Variants in FAT3 observed in about 807,000 individuals in gnomAD.
FAT3 encodes protocadherin Fat 3.
Under a neutral mutation model 310.2 loss-of-function variants are expected in FAT3, and 95 were observed. That is an observed-to-expected ratio of 0.31 (90% CI 0.26 to 0.36). The LOEUF is 0.36. Ranked by LOEUF, FAT3 falls within the 10% of genes least tolerant of loss-of-function variation. The pLI is 1.00. For synonymous variants in FAT3, 2,314 were observed against 2,192.9 expected, an observed-to-expected ratio of 1.06 and a Z score of -1.54; for missense variants, 5,408 against 5,715.6, an observed-to-expected ratio of 0.95 and a Z score of 1.74.
At chr11:92,235,007 G>C (rs1490185649) in intron 1 of FAT3, among the ~76,000 whole-genome samples, 1 of 151,636 alleles carries the variant, frequency 6.6e-6, no homozygotes, top group Non-Finnish European at 1.5e-5. Context: ...GGAGGCAGAG[G>C]TTGCAGTGAG....
At chr11:92,567,211 A>G (rs1207008908) in intron 3 of FAT3, among the ~76,000 whole-genome samples, 1 of 115,418 alleles carries the variant, frequency 8.7e-6, no homozygotes, top group Non-Finnish European at 1.8e-5. Flanking sequence ...AAACCCCATC[A>G]AAAAGTGGGC....
At chr11:92,319,050 T>C (rs1410098017) in intron 1 of FAT3, among the ~76,000 whole-genome samples, 1 of 152,230 alleles carries the variant, frequency 6.6e-6, no homozygotes, top group African/African-American at 2.4e-5. Context: ...CAGTTGCTTA[T>C]ATGCATGCAC....
intron 7 of FAT3, among the ~76,000 whole-genome samples, chr11:92,784,866 C>T (rs538838471): frequency 6.6e-6 from 1 of 152,182 alleles, no homozygotes; most frequent in South Asian, 2.1e-4. Context: ...TCAGGGCAGG[C>T]TTGCTGGCCG....
At chr11:92,412,497 G>A (rs1950298520) in intron 2 of FAT3, among the ~76,000 whole-genome samples, 1 of 144,136 alleles carries the variant, frequency 6.9e-6, no homozygotes, top group Admixed American at 7.3e-5. Flanking sequence ...TGGAAGATTG[G>A]AGATTGTTCA....
At chr11:92,373,437 C>T (rs1949251021) in intron 2 of FAT3, among the ~76,000 whole-genome samples, 1 of 152,036 alleles carries the variant, frequency 6.6e-6, no homozygotes, top group Non-Finnish European at 1.5e-5. Context: ...TCTCTTGTCC[C>T]GACCACATAC....
At chr11:92,569,614 G>A (rs1268605453) in intron 3 of FAT3, among the ~76,000 whole-genome samples, 1 of 152,094 alleles carries the variant, frequency 6.6e-6, no homozygotes, top group Non-Finnish European at 1.5e-5. Context: ...CAGAAACACT[G>A]GCACTCATGT....
intron 13 of FAT3, among the ~76,000 whole-genome samples, chr11:92,816,365 A>G (rs1947826670): frequency 6.6e-6 from 1 of 152,198 alleles, no homozygotes; most frequent in Non-Finnish European, 1.5e-5. Flanking sequence ...TTTGGCTTCC[A>G]AGGTCACAGC....
At chr11:92,442,637 T>G (rs895616085) in intron 2 of FAT3, among the ~76,000 whole-genome samples, 1 of 152,130 alleles carries the variant, frequency 6.6e-6, no homozygotes, top group African/African-American at 2.4e-5. Flanking sequence ...GGAATTCAGG[T>G]GTGACTTGTG....
At chr11:92,677,510 G>T (rs974960853) in intron 3 of FAT3, among the ~76,000 whole-genome samples, 1 of 152,204 alleles carries the variant, frequency 6.6e-6, no homozygotes, top group Non-Finnish European at 1.5e-5. Flanking sequence ...TTTTCTGCCA[G>T]CAGGATTATC....
At chr11:92,757,187 G>A (rs931297361) in intron 4 of FAT3, among the ~76,000 whole-genome samples, 1 of 152,020 alleles carries the variant, frequency 6.6e-6, no homozygotes, top group Admixed American at 6.6e-5. Context: ...GCCTCCCAAA[G>A]TGCCAGGATT....
chr11:92,531,800 A>G (rs1954083606), intron 3 of FAT3, among the ~76,000 whole-genome samples: 2 of 151,850 alleles, frequency 1.3e-5, no homozygotes, highest in Non-Finnish European at 2.9e-5. Context: ...GTAAGTACCA[A>G]CTTCAGAGTT....
chr11:92,435,602 A>G (rs12798236), intron 2 of FAT3, among the ~76,000 whole-genome samples: 5,795 of 105,346 alleles, frequency 0.055, 154 homozygotes, highest in Non-Finnish European at 0.08. Context: ...GTCTTGTTCT[A>G]TTGCACAGGC....
chr11:92,268,087 G>T (rs1387855587), intron 1 of FAT3, among the ~76,000 whole-genome samples: 2 of 151,340 alleles, frequency 1.3e-5, no homozygotes, highest in African/African-American at 4.9e-5. Context: ...GTTCAGAGAA[G>T]GAAAAGGAGA....
intron 1 of FAT3, among the ~76,000 whole-genome samples, chr11:92,327,621 C>T (rs538782468): frequency 6.6e-6 from 1 of 152,214 alleles, no homozygotes; most frequent in Admixed American, 6.5e-5. Context: ...GCTTGTGGCC[C>T]TTGAATGATT....
At chr11:92,880,165 G>A (rs945904032) in intron 22 of FAT3, among the ~76,000 whole-genome samples, 1 of 151,204 alleles carries the variant, frequency 6.6e-6, no homozygotes, top group Admixed American at 6.6e-5. Context: ...ATCAGGATCG[G>A]ACCAGGGGAG....
intron 1 of FAT3, among the ~76,000 whole-genome samples, chr11:92,339,871 T>G (rs1278453836): frequency 6.6e-6 from 1 of 151,978 alleles, no homozygotes; most frequent in Non-Finnish European, 1.5e-5. Context: ...TCCAGCACTT[T>G]GGGAGGCCAA....
chr11:92,286,445 T>C (rs1450411281), intron 1 of FAT3, among the ~76,000 whole-genome samples: 1 of 152,160 alleles, frequency 6.6e-6, no homozygotes, highest in Non-Finnish European at 1.5e-5. Flanking sequence ...CTCCAACTTA[T>C]CCCGTTTGTT....
intron 2 of FAT3, among the ~76,000 whole-genome samples, chr11:92,364,266 C>T (rs2134685884): frequency 6.6e-6 from 1 of 152,226 alleles, no homozygotes; most frequent in Admixed American, 6.5e-5. Flanking sequence ...CCTCATTTCT[C>T]CAGTGCCAAG....
chr11:92,639,782 C>A (rs1050813775), intron 3 of FAT3, among the ~76,000 whole-genome samples: 5 of 152,146 alleles, frequency 3.3e-5, no homozygotes, highest in African/African-American at 1.2e-4. Context: ...TTGAGAATCA[C>A]CACTTAGCAT....
Sources: allele counts gnomAD v4.1 joint callset (sites outside exome capture counted in the v4.1 genomes callset), GRCh38; gene constraint gnomAD v4.1.1; transcripts MANE v1.5; gene names NCBI Gene and HGNC (gene_info 2026-07-23, HGNC 2026-07-21).